Variants in GRID2 observed in about 807,000 individuals in gnomAD.
GRID2 encodes glutamate ionotropic receptor delta type subunit 2, also known as glutamate receptor ionotropic, delta-2.
GRID2 carries 33 observed loss-of-function variants against 114.8 expected under a neutral mutation model. The observed-to-expected ratio is 0.29, with a 90% confidence interval of 0.22 to 0.38. GRID2 has a LOEUF of 0.38. Among genes scored for constraint, GRID2 ranks in the 10% least tolerant of loss-of-function variants. GRID2 has a pLI of 1.00. For synonymous variants in GRID2, 505 were observed against 449.9 expected, an observed-to-expected ratio of 1.12 and a Z score of -1.55; for missense variants, 1,184 against 1,257.7, an observed-to-expected ratio of 0.94 and a Z score of 0.89.
At chr4:92,305,535 CTCGCCTCGCA>C (rs1725343707) in intron 1 of GRID2, among the ~76,000 whole-genome samples, 1 of 152,172 alleles carries the variant, frequency 6.6e-6, no homozygotes, top group Non-Finnish European at 1.5e-5. Flanking sequence ...CTCGCCTCGC[CTCGCCTCGCA>C]GTCAACTCCG....
intron 2 of GRID2, among the ~76,000 whole-genome samples, chr4:92,709,517 C>A (rs568106912): frequency 7.3e-6 from 1 of 136,452 alleles, no homozygotes; most frequent in South Asian, 2.3e-4. Context: ...TTGTGTCTGG[C>A]AAGTAATGTC....
Position 92,411,303 on chromosome 4 carries a change from C to T in GRID2, c.88+106559C>T, listed in dbSNP as rs991395800. On this transcript the variant is annotated intron_variant, in intron 1 of 15. Transcript: ENST00000282020. ...ATTTTTATGTGGAAATATTATGAAA[C>T]GGAGGCTTGTGAGACTGACTATATT... Among the ~76,000 whole-genome samples, 8 of 152,090 alleles carry T rather than the reference C, an allele frequency of 5.3e-5. No individual in the cohort carries two copies. The South Asian group carries it at 1.2e-3, about 24-fold the overall frequency.
At position 92,820,464 on chromosome 4, in the gene GRID2, T is replaced by G. The variant is rs535464493; in HGVS notation, c.244+230178T>G. Among the ~76,000 whole-genome samples the G allele has an allele frequency of 3.3e-5, 5 of 152,118 alleles. No individual in the cohort carries two copies. The East Asian group carries it at 9.7e-4, about 29-fold the overall frequency. Reference sequence around the variant, plus strand: ...ACAGGCAGAGTTAACTCTACCAAAGTCAGAATGACTCAAAACACTGTTAGC... The same window carrying G: ...ACAGGCAGAGTTAACTCTACCAAAGGCAGAATGACTCAAAACACTGTTAGC... On this transcript the variant is annotated intron_variant, in intron 2 of 15. Transcript: ENST00000282020.
chr4:93,481,774 C>A (rs890885237), intron 11 of GRID2, among the ~76,000 whole-genome samples: 4 of 151,930 alleles, frequency 2.6e-5, no homozygotes, highest in African/African-American at 9.7e-5. Flanking sequence ...TTTTATGGTT[C>A]TGTTTCAATT....
intron 14 of GRID2, among the ~76,000 whole-genome samples, chr4:93,724,223 G>A (rs1284387788): frequency 1.3e-5 from 2 of 152,144 alleles, no homozygotes; most frequent in Non-Finnish European, 2.9e-5. Context: ...TTTCCAGGGA[G>A]CCATGACTGC....
At chr4:93,358,625 G>T (rs943765424) in intron 8 of GRID2, among the ~76,000 whole-genome samples, 3 of 151,826 alleles carry the variant, frequency 2.0e-5, no homozygotes, top group Admixed American at 6.6e-5. Flanking sequence ...AAACAAAAAA[G>T]TGCTGATAAA....
intron 2 of GRID2, among the ~76,000 whole-genome samples, chr4:92,998,992 T>C (rs1053777413): frequency 6.6e-6 from 1 of 151,872 alleles, no homozygotes; most frequent in Non-Finnish European, 1.5e-5. Flanking sequence ...AGGTCTTTTA[T>C]TTTAAAATGT....
At chr4:93,184,506 T>C (rs1190320960) in intron 4 of GRID2, among the ~76,000 whole-genome samples, 3 of 92,994 alleles carry the variant, frequency 3.2e-5, no homozygotes, top group Admixed American at 1.2e-4. Flanking sequence ...ATATTATTTC[T>C]CAAAAAAAAA....
intron 1 of GRID2, among the ~76,000 whole-genome samples, chr4:93,783,863 G>C (rs986078904): frequency 6.6e-6 from 1 of 151,518 alleles, no homozygotes; most frequent in Non-Finnish European, 1.5e-5. Context: ...ACGAGGTCAG[G>C]AGATCGAGAC....
At chr4:92,806,237 C>T (rs1209204658) in intron 2 of GRID2, among the ~76,000 whole-genome samples, 4 of 149,822 alleles carry the variant, frequency 2.7e-5, no homozygotes, top group Admixed American at 6.7e-5. Flanking sequence ...ATCACATTTT[C>T]GTTACCTTAA....
intron 2 of GRID2, among the ~76,000 whole-genome samples, chr4:92,877,725 C>T (rs1215388099): frequency 6.6e-6 from 1 of 152,128 alleles, no homozygotes; most frequent in East Asian, 1.9e-4. Context: ...CCATATAGTC[C>T]TGCAAAGTGG....
intron 2 of GRID2, among the ~76,000 whole-genome samples, chr4:92,737,122 G>T (rs1200889714): frequency 6.6e-6 from 1 of 152,030 alleles, no homozygotes; most frequent in Non-Finnish European, 1.5e-5. Flanking sequence ...GATAAATGCA[G>T]CTTCCACGTG....
intron 2 of GRID2, among the ~76,000 whole-genome samples, chr4:92,891,624 GA>G (rs1178158576): frequency 2.0e-5 from 3 of 152,084 alleles, no homozygotes; most frequent in African/African-American, 7.2e-5. Flanking sequence ...CTATTTTAAT[GA>G]GCTAGGTACA....
At chr4:93,471,690 T>C (rs1724812137) in intron 11 of GRID2, among the ~76,000 whole-genome samples, 1 of 142,136 alleles carries the variant, frequency 7.0e-6, no homozygotes, top group Non-Finnish European at 1.5e-5. Context: ...TTTCTTCTCC[T>C]GAATTCAATT....
chr4:93,021,499 A>T (rs566738556), intron 2 of GRID2, among the ~76,000 whole-genome samples: 15 of 147,836 alleles, frequency 1.0e-4, no homozygotes, highest in Non-Finnish European at 2.2e-4. Context: ...TGCTAAATAT[A>T]AAAAAATAGG....
chr4:93,020,842 G>T (rs138674288), intron 2 of GRID2, among the ~76,000 whole-genome samples: 5,025 of 152,048 alleles, frequency 0.033, 231 homozygotes, highest in African/African-American at 0.097. Flanking sequence ...AGACCAGCCC[G>T]ACCAACATGG....
At chr4:92,389,566 A>G (rs1298611550) in intron 1 of GRID2, among the ~76,000 whole-genome samples, 1 of 152,064 alleles carries the variant, frequency 6.6e-6, no homozygotes, top group African/African-American at 2.4e-5. Context: ...GAATGTCATG[A>G]TTGTTTTCTA....
At chr4:92,647,187 C>G (rs1377691405) in intron 2 of GRID2, among the ~76,000 whole-genome samples, 1 of 152,168 alleles carries the variant, frequency 6.6e-6, no homozygotes, top group African/African-American at 2.4e-5. Context: ...AAGATAAAAT[C>G]ATGATAGTGT....
At chr4:93,253,027 A>G (rs1749150942) in intron 8 of GRID2, among the ~76,000 whole-genome samples, 1 of 151,948 alleles carries the variant, frequency 6.6e-6, no homozygotes, top group African/African-American at 2.4e-5. Context: ...AGGCAGGCAG[A>G]TCACGAGGTC....
Sources: allele counts gnomAD v4.1 joint callset (sites outside exome capture counted in the v4.1 genomes callset), GRCh38; gene constraint gnomAD v4.1.1; transcripts MANE v1.5; gene names NCBI Gene and HGNC (gene_info 2026-07-23, HGNC 2026-07-21).